RBM47: variants seen among roughly 807,000 people sequenced by gnomAD.
RBM47 encodes RNA binding motif protein 47.
RBM47 carries 21 observed loss-of-function variants against 47.1 expected under a neutral mutation model. The ratio of observed to expected loss-of-function variants is 0.45; its 90% confidence interval spans 0.32 to 0.64. The LOEUF is 0.64. Ranked by LOEUF, RBM47 falls within the 30% of genes least tolerant of loss-of-function variation. The pLI, the probability that RBM47 is intolerant of heterozygous loss-of-function variation, is 0.05. For missense variants in RBM47, 708 were observed against 870.9 expected (o/e 0.81, Z 2.35); for synonymous variants, 375 against 361.7 (o/e 1.04, Z -0.42).
At chr4:40,630,434 C>T (rs1738126420), upstream of RBM47, 1 of 152,118 alleles carries the variant, frequency 6.6e-6, no homozygotes, top group African/African-American at 2.4e-5. Flanking sequence ...GGGGAGAGCT[C>T]CCGGGGCGAG....
chr4:40,505,259 T>A (rs1326740795), intron 2 of RBM47, among the ~76,000 whole-genome samples: 1 of 150,332 alleles, frequency 6.7e-6, no homozygotes, highest in African/African-American at 2.5e-5. Context: ...GAGGCTGAGA[T>A]GGGTGGCTGA....
intron 2 of RBM47, among the ~76,000 whole-genome samples, chr4:40,484,500 G>C (rs1720825854): frequency 1.3e-5 from 2 of 151,902 alleles, no homozygotes; most frequent in African/African-American, 4.8e-5. Context: ...GCAGTAGGAT[G>C]AACCATTTTC....
At chr4:40,437,090 AATATAT>A (rs1247522305) in intron 4 of RBM47, among the ~76,000 whole-genome samples, 1 of 49,850 alleles carries the variant, frequency 2.0e-5, no homozygotes, top group Non-Finnish European at 3.3e-5. Flanking sequence ...AAAAAAAAAA[AATATAT>A]ATATATATAT....
intron 1 of RBM47, among the ~76,000 whole-genome samples, chr4:40,626,411 A>G (rs1737739758): frequency 6.6e-6 from 1 of 152,208 alleles, no homozygotes; most frequent in African/African-American, 2.4e-5. Flanking sequence ...GAACATTTGA[A>G]TTACAAAAGG....
At chr4:40,622,606 G>A (rs2154281725) in intron 1 of RBM47, among the ~76,000 whole-genome samples, 1 of 152,304 alleles carries the variant, frequency 6.6e-6, no homozygotes, top group East Asian at 1.9e-4. Flanking sequence ...CTCTGGCCAG[G>A]TGAGGTAGCT....
At chr4:40,448,867 A>C (rs1714959361) in intron 3 of RBM47, among the ~76,000 whole-genome samples, 1 of 152,236 alleles carries the variant, frequency 6.6e-6, no homozygotes, top group South Asian at 2.1e-4. Context: ...TGGTTTACAG[A>C]AAAATTATTT....
At chr4:40,601,859 A>T (rs1040219326) in intron 1 of RBM47, among the ~76,000 whole-genome samples, 8 of 152,174 alleles carry the variant, frequency 5.3e-5, no homozygotes, top group African/African-American at 1.9e-4. Context: ...TAGCCCTTCA[A>T]TTTAGGGGAA....
At chr4:40,576,130 C>T (rs985504022) in intron 1 of RBM47, among the ~76,000 whole-genome samples, 3 of 152,214 alleles carry the variant, frequency 2.0e-5, no homozygotes, top group Non-Finnish European at 4.4e-5. Context: ...GGGGCAGTGC[C>T]CCAGGCAATG....
rs140049148 is a variant in RBM47, at chr4:40,614,432, C to A, written c.-240+14964G>T. On this transcript the variant is annotated intron_variant, in intron 1 of 6. Coordinates refer to ENST00000295971, the MANE Select transcript of RBM47 (RefSeq NM_001098634.2). ...AAGGCAGTGAGGAGAAGGGCCATGG[C>A]CAGGGTCAATTGTCTGAGGTGATAT... is the stretch of plus-strand genomic sequence containing the variant. Among the ~76,000 whole-genome samples the A allele has an allele frequency of 4.4e-3, 665 of 152,250 alleles. 6 individuals carry two copies. Among genetic ancestry groups the A allele is most frequent in the African/African-American group, 0.015 (622 of 41,528 alleles).
chr4:40,507,008 G>C (rs1206235869), intron 2 of RBM47, among the ~76,000 whole-genome samples: 1 of 152,168 alleles, frequency 6.6e-6, no homozygotes, highest in East Asian at 1.9e-4. Context: ...CCAGGCTGGA[G>C]TGCAGTGGTG....
At chr4:40,544,166 C>G (rs1356258395) in intron 2 of RBM47, 1 of 152,198 alleles carries the variant, frequency 6.6e-6, no homozygotes, top group Non-Finnish European at 1.5e-5. Flanking sequence ...AAGAGTTTCA[C>G]TGAAATCATT....
chr4:40,508,585 G>C (rs1247503608), intron 2 of RBM47, among the ~76,000 whole-genome samples: 1 of 152,174 alleles, frequency 6.6e-6, no homozygotes, highest in Non-Finnish European at 1.5e-5. Context: ...GGTTGAGTGA[G>C]AGGCCAGATA....
In RBM47 at chr4:40,596,142, T is replaced by C. The variant is rs534997386; in HGVS notation, c.-240+33254A>G. ...ACTTTCAGGAGCAGGGACGTGACTATCCTTGGAGCTGTTCTTTCTGTCACA... is the reference window on the plus strand; with the variant it reads ...ACTTTCAGGAGCAGGGACGTGACTACCCTTGGAGCTGTTCTTTCTGTCACA... On this transcript the variant is annotated intron_variant, in intron 1 of 6. Coordinates refer to ENST00000295971, the MANE Select transcript of RBM47 (RefSeq NM_001098634.2). Among the ~76,000 whole-genome samples the C allele has an allele frequency of 3.3e-5, 5 of 152,336 alleles. 1 individual carries two copies. Among genetic ancestry groups the C allele is most frequent in the African/African-American group, 1.2e-4 (5 of 41,588 alleles).
At chr4:40,492,924 C>A (rs767021942) in intron 2 of RBM47, among the ~76,000 whole-genome samples, 3 of 152,162 alleles carry the variant, frequency 2.0e-5, no homozygotes, top group Non-Finnish European at 2.9e-5. Context: ...TGCATCTTCC[C>A]CTTCTGCTTC....
intron 2 of RBM47, among the ~76,000 whole-genome samples, chr4:40,518,158 CTTTTTTTTTTTTTTTT>C (rs530465415): frequency 5.7e-5 from 4 of 70,692 alleles, no homozygotes; most frequent in African/African-American, 2.1e-4. Context: ...CTTTTCTTTT[CTTTTTTTTTTTTTTTT>C]TTTTTTTTTT....
At chr4:40,431,770 G>C (rs1716115358) in intron 6 of RBM47, among the ~76,000 whole-genome samples, 1 of 152,080 alleles carries the variant, frequency 6.6e-6, no homozygotes, top group Non-Finnish European at 1.5e-5. Context: ...TGGGGAAGGA[G>C]GCCAACATGG....
chr4:40,504,613 C>T (rs564939181), intron 2 of RBM47, among the ~76,000 whole-genome samples: 1 of 152,166 alleles, frequency 6.6e-6, no homozygotes, highest in African/African-American at 2.4e-5. Flanking sequence ...TTTTAATTTG[C>T]AGGTTATTTG....
At chr4:40,470,362 G>A (rs979415537) in intron 2 of RBM47, among the ~76,000 whole-genome samples, 1 of 152,142 alleles carries the variant, frequency 6.6e-6, no homozygotes, top group Non-Finnish European at 1.5e-5. Flanking sequence ...TTGTTTTAAT[G>A]TTTTGGGGCA....
chr4:40,613,516 A>C (rs1736425133), intron 1 of RBM47, among the ~76,000 whole-genome samples: 1 of 152,210 alleles, frequency 6.6e-6, no homozygotes, highest in Admixed American at 6.5e-5. Context: ...TAAAACACTT[A>C]ACATTCCTAA....
Sources: gnomAD v4.1 joint callset for allele counts (sites outside exome capture counted in the v4.1 genomes callset) on GRCh38, gnomAD v4.1.1 for gene constraint, MANE v1.5 for transcripts, NCBI Gene and HGNC (gene_info 2026-07-23, HGNC 2026-07-21) for gene names.